EPHA5: variants seen among roughly 807,000 people sequenced by gnomAD.
The protein encoded by EPHA5 is EPH receptor A5.
Under a neutral mutation model 105.0 loss-of-function variants are expected in EPHA5, and 60 were observed. The observed-to-expected ratio is 0.57, with a 90% CI of 0.46 to 0.71. The LOEUF is 0.71. Ranked by LOEUF, EPHA5 falls within the 30% of genes least tolerant of loss-of-function variation. The probability of loss-of-function intolerance (pLI) is 0.00; values close to 1 mark genes in which losing one functional copy is unlikely to be tolerated. For missense variants in EPHA5, 1,218 were observed against 1,274.7 expected (o/e 0.96, Z 0.68); for synonymous variants, 513 against 449.1 (o/e 1.14, Z -1.80).
At chr4:65,641,903 A>G (rs902840401) in intron 2 of EPHA5, among the ~76,000 whole-genome samples, 1 of 152,114 alleles carries the variant, frequency 6.6e-6, no homozygotes, top group East Asian at 1.9e-4. Flanking sequence ...CCCAATACAG[A>G]AGGATTATGT....
chr4:65,326,329 C>A (rs1449453722), intron 16 of EPHA5, among the ~76,000 whole-genome samples: 1 of 151,104 alleles, frequency 6.6e-6, no homozygotes, highest in Admixed American at 6.6e-5. Flanking sequence ...TTTAATTTAT[C>A]ATTATTCTAA....
intron 2 of EPHA5, among the ~76,000 whole-genome samples, chr4:65,642,869 A>T (rs6841031): frequency 0.58 from 88,059 of 151,636 alleles, 25,706 homozygotes; most frequent in Middle Eastern, 0.7. Context: ...TTTTATCTCA[A>T]TGTCATTTAA....
chr4:65,519,948 C>T (rs1232149428), intron 3 of EPHA5, among the ~76,000 whole-genome samples: 1 of 152,138 alleles, frequency 6.6e-6, no homozygotes, highest in African/African-American at 2.4e-5. Flanking sequence ...AATGGCCATA[C>T]TGCCCAAAGT....
intron 9 of EPHA5, among the ~76,000 whole-genome samples, chr4:65,366,824 C>A (rs936405423): frequency 6.6e-6 from 1 of 151,784 alleles, no homozygotes; most frequent in Non-Finnish European, 1.5e-5. Context: ...TATCAAAATT[C>A]AACTCATTTA....
At chr4:65,600,055 A>G (rs1743565723) in intron 3 of EPHA5, among the ~76,000 whole-genome samples, 1 of 152,186 alleles carries the variant, frequency 6.6e-6, no homozygotes, top group Non-Finnish European at 1.5e-5. Context: ...CAAATAGAGT[A>G]CGTTGTTTTA....
At chr4:65,392,883 G>A (rs977680089) in intron 8 of EPHA5, among the ~76,000 whole-genome samples, 4 of 152,056 alleles carry the variant, frequency 2.6e-5, no homozygotes, top group African/African-American at 7.2e-5. Flanking sequence ...AAGTTATGTA[G>A]GAAAGCCACA....
chr4:65,399,163 C>T (rs1721559860), intron 8 of EPHA5, among the ~76,000 whole-genome samples: 1 of 152,174 alleles, frequency 6.6e-6, no homozygotes, highest in South Asian at 2.1e-4. Flanking sequence ...GGCATCACCA[C>T]ATTCCCCTCA....
intron 5 of EPHA5, 26 bp from the exon 6 acceptor site, chr4:65,420,591 A>G (rs1424184275): frequency 1.2e-6 from 2 of 1,607,386 alleles, no homozygotes; most frequent in Non-Finnish European, 1.7e-6. Context: ...AATAAGGAGC[A>G]GTATGATTAA....
At chr4:65,417,236 A>G (rs533197156) in intron 6 of EPHA5, among the ~76,000 whole-genome samples, 5 of 152,352 alleles carry the variant, frequency 3.3e-5, no homozygotes, top group Admixed American at 6.5e-5. Flanking sequence ...CAGCTGGCAA[A>G]TGCATGTGCC....
chr4:65,552,113 A>G (rs941962181), intron 3 of EPHA5, among the ~76,000 whole-genome samples: 5 of 152,204 alleles, frequency 3.3e-5, no homozygotes, highest in African/African-American at 1.2e-4. Flanking sequence ...TATTACTAAT[A>G]AAGCTGTCCG....
intron 5 of EPHA5, among the ~76,000 whole-genome samples, chr4:65,444,820 A>G (rs1041043799): frequency 2.0e-5 from 3 of 152,086 alleles, no homozygotes; most frequent in Non-Finnish European, 4.4e-5. Flanking sequence ...TGCTTTTAGA[A>G]GTAATTGTAT....
Position 65,338,726 on chromosome 4 carries a change from T to A in EPHA5, c.2596-2601A>T, listed in dbSNP as rs1215120117. Among the ~76,000 whole-genome samples the A allele has an allele frequency of 3.3e-5, 5 of 152,298 alleles. No individual in the cohort carries two copies. In the South Asian group the frequency reaches 1.0e-3, roughly 32 times the overall value. On this transcript the variant is annotated intron_variant, in intron 14 of 16. Coordinates refer to ENST00000613740, the MANE Select transcript of EPHA5 (RefSeq NM_001281766.3). Reference sequence around the variant, plus strand: ...TTTATTTTAAAAATAGATTTGGAACTATAACTTCACATTTTATATTAGAAG... The same window carrying A: ...TTTATTTTAAAAATAGATTTGGAACAATAACTTCACATTTTATATTAGAAG...
Position 65,669,668 on chromosome 4 carries a change from T to C in EPHA5, c.75A>G (p.Pro25=), listed in dbSNP as rs1750289239. The part of the protein sequence containing the change: ...PSGGGDTPIT[P]ASLAGCYSAP... ...CAGAGTAGCAGCCGGCCAGGGACGC[T>C]GGGGTGATGGGGGTGTCGCCGCCGC... Residue 25 remains proline, a synonymous_variant, in exon 1 of 17, where the codon CCA becomes CCG. Coordinates refer to ENST00000613740, the MANE Select transcript of EPHA5 (RefSeq NM_001281766.3). The C allele has an allele frequency of 2.2e-6, 3 of 1,347,710 alleles. No individual in the cohort carries two copies. The highest frequency in any genetic ancestry group is 1.9e-6 in the Non-Finnish European group (2 of 1,044,622). The allele number at this position is 1,347,710 out of a possible 1,614,324, so 83.5% of individuals were successfully genotyped here. A position where few individuals can be genotyped will look rare whatever the true frequency, so the allele number is the denominator to read the frequency against.
intron 2 of EPHA5, among the ~76,000 whole-genome samples, chr4:65,641,006 T>G (rs908762179): frequency 6.6e-6 from 1 of 152,196 alleles, no homozygotes; most frequent in African/African-American, 2.4e-5. Flanking sequence ...ATTGCCTCTC[T>G]TTTTGACAAA....
intron 2 of EPHA5, among the ~76,000 whole-genome samples, chr4:65,637,597 T>TATATATATATACAC (rs889288051): frequency 4.8e-5 from 7 of 144,530 alleles, no homozygotes; most frequent in African/African-American, 1.8e-4. Context: ...TATATATATA[T>TATATATATATACAC]ACGTATATGC....
intron 3 of EPHA5, among the ~76,000 whole-genome samples, chr4:65,515,887 G>A (rs184176872): frequency 1.3e-5 from 2 of 152,196 alleles, no homozygotes; most frequent in African/African-American, 4.8e-5. Context: ...GAACAAAAAG[G>A]AGGAGAAAGG....
At chr4:65,431,069 C>T (rs1236588532) in intron 5 of EPHA5, among the ~76,000 whole-genome samples, 1 of 152,098 alleles carries the variant, frequency 6.6e-6, no homozygotes, top group African/African-American at 2.4e-5. Context: ...TGAGAAATAT[C>T]TCTACATACT....
chr4:65,376,555 G>A (rs767577132), intron 8 of EPHA5, among the ~76,000 whole-genome samples: 15 of 151,970 alleles, frequency 9.9e-5, no homozygotes, highest in Non-Finnish European at 1.5e-4. Flanking sequence ...CCAGTGCCAC[G>A]TGTATTCACA....
chr4:65,337,751 T>G (rs1721322553), intron 14 of EPHA5, among the ~76,000 whole-genome samples: 1 of 152,042 alleles, frequency 6.6e-6, no homozygotes, highest in African/African-American at 2.4e-5. Flanking sequence ...GGACTGATAA[T>G]ATAAAGGTAA....
Sources: allele counts gnomAD v4.1 joint callset (sites outside exome capture counted in the v4.1 genomes callset), GRCh38; gene constraint gnomAD v4.1.1; transcripts MANE v1.5; gene names NCBI Gene and HGNC (gene_info 2026-07-23, HGNC 2026-07-21).